The following PALLD variants were observed in gnomAD, a reference collection of about 807,000 sequenced individuals.
PALLD encodes the protein palladin.
In PALLD, 61 loss-of-function variants were observed where a neutral mutation model predicts 123.5. The observed-to-expected ratio is 0.49, with a 90% CI of 0.40 to 0.61. PALLD has a LOEUF of 0.61. Ranked by LOEUF, PALLD falls within the 20% of genes least tolerant of loss-of-function variation. The probability of loss-of-function intolerance (pLI) is 0.00; values close to 1 mark genes in which losing one functional copy is unlikely to be tolerated. For synonymous variants in PALLD, 465 were observed against 496.4 expected (o/e 0.94, Z 0.84); for missense variants, 1,273 against 1,377.0 (o/e 0.92, Z 1.20).
intron 10 of PALLD, among the ~76,000 whole-genome samples, chr4:168,749,628 C>T (rs958899977): frequency 3.9e-5 from 6 of 152,200 alleles, no homozygotes; most frequent in East Asian, 1.9e-4. Context: ...CACTTGAACC[C>T]GAGAGGCAGA....
In PALLD at chr4:168,709,118, C is replaced by G. The variant is rs1375746027; in HGVS notation, c.1592C>G (p.Thr531Ser). The G allele has an allele frequency of 1.2e-6, 2 of 1,613,922 alleles. No individual in the cohort carries two copies. The highest frequency in any genetic ancestry group is 1.7e-6 in the Non-Finnish European group (2 of 1,179,936). The change falls in exon 9 of 22, where the codon ACC becomes AGC. Residue 531 changes from threonine (T) to serine (S), a missense_variant. Coordinates refer to ENST00000505667, the MANE Select transcript of PALLD (RefSeq NM_001166108.2). ...CSARNDYGSA[T>S]STAQLVVTSA... is the part of the protein sequence containing the mutation. Reference sequence around the variant, plus strand: ...GCAAGAAATGATTATGGATCAGCAACCAGCACTGCCCAGCTGGTTGTCACC... The same window carrying G: ...GCAAGAAATGATTATGGATCAGCAAGCAGCACTGCCCAGCTGGTTGTCACC...
chr4:168,660,914 CT>C (rs1292904976), intron 2 of PALLD, among the ~76,000 whole-genome samples: 1 of 146,060 alleles, frequency 6.8e-6, no homozygotes. Flanking sequence ...TTTTTTTTTC[CT>C]TTTTTTTGAG....
At chr4:168,656,130 G>A (rs1778537057) in intron 2 of PALLD, among the ~76,000 whole-genome samples, 1 of 152,132 alleles carries the variant, frequency 6.6e-6, no homozygotes, top group Admixed American at 6.5e-5. Flanking sequence ...TACAACAATA[G>A]CTAATAATTA....
chr4:168,620,857 A>C (rs1357233156), intron 2 of PALLD, among the ~76,000 whole-genome samples: 1 of 152,212 alleles, frequency 6.6e-6, no homozygotes, highest in East Asian at 1.9e-4. Flanking sequence ...AAAGCAACAA[A>C]TGTTACTTTC....
At chr4:168,835,801 C>A (rs545462529) in intron 10 of PALLD, among the ~76,000 whole-genome samples, 1 of 152,126 alleles carries the variant, frequency 6.6e-6, no homozygotes, top group South Asian at 2.1e-4. Flanking sequence ...CAGGTTCAAG[C>A]GATTCTCGTG....
intron 5 of PALLD, 58 bp downstream of exon 5, chr4:168,683,161 AT>A: frequency 1.1e-6 from 1 of 915,316 alleles, no homozygotes; most frequent in Non-Finnish European, 1.8e-6. Context: ...AAACTTGTGG[AT>A]TTTAAGAATA....
chr4:168,624,475 C>T (rs1340685694), intron 2 of PALLD, among the ~76,000 whole-genome samples: 1 of 152,088 alleles, frequency 6.6e-6, no homozygotes, highest in Non-Finnish European at 1.5e-5. Context: ...TCCCAAAGCC[C>T]ACATCATGCC....
intron 6 of PALLD, among the ~76,000 whole-genome samples, chr4:168,688,986 A>G (rs1782352005): frequency 6.6e-6 from 1 of 152,212 alleles, no homozygotes; most frequent in Non-Finnish European, 1.5e-5. Flanking sequence ...TAGCTATTCT[A>G]TGGACCCAGT....
intron 6 of PALLD, among the ~76,000 whole-genome samples, chr4:168,685,810 GAAAA>G (rs70961550): frequency 6.9e-4 from 45 of 65,660 alleles, no homozygotes; most frequent in Admixed American, 4.6e-3. Context: ...AAGACAGATA[GAAAA>G]AAAAAAAAAA....
chr4:168,574,652 TCA>T (rs1280318087), intron 2 of PALLD, among the ~76,000 whole-genome samples: 7 of 152,086 alleles, frequency 4.6e-5, no homozygotes, highest in African/African-American at 1.7e-4. Context: ...GGGGAATGAA[TCA>T]TTCCCCAAAG....
intron 3 of PALLD, 29 bp from the exon 4 acceptor site, chr4:168,681,303 C>T: frequency 1.5e-6 from 2 of 1,360,216 alleles, no homozygotes; most frequent in East Asian, 2.3e-5. Context: ...GATATCTTAA[C>T]TTTACCATTA....
chr4:168,747,273 G>T (rs1284193066), intron 10 of PALLD, among the ~76,000 whole-genome samples: 2 of 152,212 alleles, frequency 1.3e-5, no homozygotes, highest in South Asian at 4.1e-4. Context: ...AAGACAGCAT[G>T]TCTAGGACAT....
chr4:168,612,952 T>C (rs1773880070), intron 2 of PALLD, among the ~76,000 whole-genome samples: 1 of 152,226 alleles, frequency 6.6e-6, no homozygotes, highest in African/African-American at 2.4e-5. Context: ...GATTCGGAAC[T>C]ACCAGGCTTT....
chr4:168,876,572 A>G (rs2151106812), intron 10 of PALLD, among the ~76,000 whole-genome samples: 2 of 152,368 alleles, frequency 1.3e-5, no homozygotes, highest in South Asian at 4.1e-4. Context: ...AGAAGGGAAC[A>G]GAAGACACAG....
chr4:168,881,795 T>C (rs1481707131), intron 10 of PALLD, among the ~76,000 whole-genome samples: 1 of 152,166 alleles, frequency 6.6e-6, no homozygotes, highest in South Asian at 2.1e-4. Flanking sequence ...ACAGCCTCCA[T>C]TGCTGTAACC....
chr4:168,501,531 G>A (rs1191422647), intron 1 of PALLD, among the ~76,000 whole-genome samples: 1 of 152,228 alleles, frequency 6.6e-6, no homozygotes, highest in African/African-American at 2.4e-5. Context: ...AAGGATATAA[G>A]CTGCCTGTTG....
rs115001812 is a variant in PALLD at position 168,826,931 on chromosome 4, C to T, written c.1965-63991C>T. Among the ~76,000 whole-genome samples, 886 of 152,288 alleles carry T rather than the reference C, an allele frequency of 5.8e-3. 10 individuals carry two copies. Among genetic ancestry groups the T allele is most frequent in the Non-Finnish European group, 8.5e-3 (577 of 68,016 alleles). On this transcript the variant is annotated intron_variant, in intron 10 of 21. Coordinates refer to ENST00000505667, the MANE Select transcript of PALLD (RefSeq NM_001166108.2). ...TGCCTTCACTAGATGATCTCTTCAG[C>T]CCCCTCCCGACTCTGATTTTGAGTC...
chr4:168,597,188 T>C (rs1199195271), intron 2 of PALLD, among the ~76,000 whole-genome samples: 3 of 152,054 alleles, frequency 2.0e-5, no homozygotes, highest in Non-Finnish European at 2.9e-5. Context: ...TCAGCTTAAT[T>C]TATAATTAAA....
At position 168,512,018 on chromosome 4, in the gene PALLD, G is replaced by T. The variant is rs1294701498; in HGVS notation, c.514G>T (p.Ala172Ser). 8.7e-6 allele frequency: 14 copies of T among 1,614,212 alleles called. No homozygotes were observed. The highest frequency in any genetic ancestry group is 1.1e-5 in the Non-Finnish European group (13 of 1,180,034). ...GGPQSQLCDK[A>S]ANLIEELTSI... Reference sequence around the variant, plus strand: ...CCCCCAGAGCCAGCTGTGTGACAAGGCAGCTAATTTAATTGAGGAGCTAAC... The same window carrying T: ...CCCCCAGAGCCAGCTGTGTGACAAGTCAGCTAATTTAATTGAGGAGCTAAC... Residue 172 changes from alanine (A) to serine (S), a missense_variant, in exon 2 of 22, where the codon GCA becomes TCA. Physicochemically the swap from Ala to Ser is moderately conservative, Grantham distance 99 (BLOSUM62 1). This residue lies in a region of PALLD where 944 missense variants were observed against 954.5 expected (regional missense o/e 0.99). Coordinates refer to ENST00000505667, the MANE Select transcript of PALLD (RefSeq NM_001166108.2).
Sources: allele counts gnomAD v4.1 joint callset (sites outside exome capture counted in the v4.1 genomes callset), GRCh38; gene constraint gnomAD v4.1.1; regional missense constraint gnomAD v4.1.1; transcripts MANE v1.5; gene names NCBI Gene and HGNC (gene_info 2026-07-23, HGNC 2026-07-21).